HOXC10: variants seen among roughly 807,000 people sequenced by gnomAD.
HOXC10 encodes the protein homeobox protein Hox-C10.
HOXC10 carries 15 observed loss-of-function variants against 26.0 expected under a neutral mutation model. That is an observed-to-expected ratio of 0.58 (90% CI 0.39 to 0.89). The LOEUF (loss-of-function observed/expected upper bound fraction) is 0.89. Among genes scored for constraint, HOXC10 ranks in the 40% least tolerant of loss-of-function variants. The probability of loss-of-function intolerance (pLI) is 0.00; values close to 1 mark genes in which losing one functional copy is unlikely to be tolerated. For synonymous variants in HOXC10, 196 were observed against 185.5 expected (o/e 1.06, Z -0.46); for missense variants, 446 against 451.9 (o/e 0.99, Z 0.12).
At chr12:53,989,085 C>T in intron 1 of HOXC10, 84 bp from the exon 2 acceptor site, 1 of 1,328,140 alleles carries the variant, frequency 7.5e-7, no homozygotes, top group South Asian at 1.5e-5. Flanking sequence ...CTCAGCCACC[C>T]CACAGCAGGC....
chr12:53,988,046 C>T (rs985418692), intron 1 of HOXC10, among the ~76,000 whole-genome samples: 5 of 152,280 alleles, frequency 3.3e-5, no homozygotes, highest in African/African-American at 1.2e-4. Flanking sequence ...AGGAACCTGG[C>T]AGCCTCATTG....
intron 1 of HOXC10, 126 bp from the exon 2 acceptor site, chr12:53,989,043 C>G (rs371887526): frequency 1.3e-6 from 1 of 749,738 alleles, no homozygotes. Flanking sequence ...CACCGCCAGG[C>G]CCCTGGGGCA....
At position 53,989,170 on chromosome 12, in the gene HOXC10, G is replaced by A. The variant is rs1459767482; in HGVS notation, c.753G>A (p.Glu251=). The A allele has an allele frequency of 2.5e-6, 4 of 1,596,064 alleles. No individual in the cohort carries two copies. The highest frequency in any genetic ancestry group is 3.4e-6 in the Non-Finnish European group (4 of 1,173,412). Residue 251 remains glutamate, a splice_region_variant and synonymous_variant, in exon 2 of 2, where the codon GAG becomes GAA. Coordinates refer to ENST00000303460, the MANE Select transcript of HOXC10 (RefSeq NM_017409.4). ...TGTAAATAATGTTATTTTTAACAGA[G>A]GAGATAAAGGCAGAAAACACCACAG... ...SPDTSDNEAK[E]EIKAENTTGN...
chr12:53,989,158 A>G lies in HOXC10; in HGVS notation c.752-11A>G. ...GAGGGATACTTATGTAAATAATGTT[A>G]TTTTTAACAGAGGAGATAAAGGCAG... On this transcript the variant is annotated splice_polypyrimidine_tract_variant and intron_variant, in intron 1 of 1. Coordinates refer to ENST00000303460, the MANE Select transcript of HOXC10 (RefSeq NM_017409.4). 1 of 1,590,944 alleles carries G rather than the reference A, an allele frequency of 6.3e-7. No homozygotes were observed. Among genetic ancestry groups the G allele is most frequent in the Non-Finnish European group, 8.5e-7 (1 of 1,170,892 alleles).
At position 53,985,774 on chromosome 12, in the gene HOXC10, C is replaced by A. The variant is rs773865410; in HGVS notation, c.515C>A (p.Ala172Asp). The change falls in exon 1 of 2, where the codon GCC becomes GAC. Residue 172 changes from alanine to aspartate, a missense_variant. Physicochemically the swap from Ala to Asp is moderately radical, Grantham distance 126. Coordinates refer to ENST00000303460, the MANE Select transcript of HOXC10 (RefSeq NM_017409.4). The part of the protein sequence containing the change: ...PHCSGANDFE[A>D]PFEQRASLNP... ...TGTTCTGGGGCCAACGACTTCGAAGCCCCTTTCGAGCAGCGGGCCAGTCTC... is the reference window on the plus strand; with the variant it reads ...TGTTCTGGGGCCAACGACTTCGAAGACCCTTTCGAGCAGCGGGCCAGTCTC... The A allele has an allele frequency of 6.2e-7, 1 of 1,613,746 alleles. No individual in the cohort carries two copies.
chr12:53,988,106 G>A (rs1939465493), intron 1 of HOXC10, among the ~76,000 whole-genome samples: 2 of 152,288 alleles, frequency 1.3e-5, no homozygotes, highest in Non-Finnish European at 2.9e-5. Flanking sequence ...CCTTTGCTGG[G>A]TGTCCTCTCA....
Position 53,989,350 on chromosome 12 carries a change from A to AGTCAAAATCTGGT in HOXC10, c.934_946dup (p.Phe316CysfsTer29), listed in dbSNP as rs1431398609. ...AGACCATTAACCTTACAGACAGACA[A>AGTCAAAATCTGGT]GTCAAAATCTGGTTTCAAAATCGCA... On this transcript the variant is annotated frameshift_variant, in exon 2 of 2. Transcript: ENST00000303460. LOFTEE classifies it high-confidence loss of function. 6.2e-7 allele frequency: 1 copy of AGTCAAAATCTGGT among 1,614,152 alleles called. No homozygotes were observed.
At chr12:53,987,063 C>T (rs1479107452) in intron 1 of HOXC10, among the ~76,000 whole-genome samples, 3 of 152,192 alleles carry the variant, frequency 2.0e-5, no homozygotes, top group Non-Finnish European at 2.9e-5. Flanking sequence ...GCCCAACCAA[C>T]GGGGAAGAAT....
At position 53,989,586 on chromosome 12, in the gene HOXC10, T is replaced by C; in HGVS notation, c.*140T>C. On this transcript the variant is annotated 3_prime_UTR_variant, in exon 2 of 2. Coordinates refer to ENST00000303460, the MANE Select transcript of HOXC10 (RefSeq NM_017409.4). ...AAAAGGCAAAGACCTCAGACTCTCC[T>C]TCCAAGGGACCTGTGGTTCGTGCTG... The C allele has an allele frequency of 1.2e-6, 1 of 802,038 alleles. No homozygotes were observed. The highest frequency in any genetic ancestry group is 2.0e-6 in the Non-Finnish European group (1 of 511,428). The allele number at this position is 802,038 out of a possible 1,614,324, so 49.7% of individuals were successfully genotyped here. A position where few individuals can be genotyped will look rare whatever the true frequency, so the allele number is the denominator to read the frequency against.
chr12:53,986,058 G>A (rs1289681460), intron 1 of HOXC10, 48 bp downstream of exon 1: 2 of 1,498,380 alleles, frequency 1.3e-6, no homozygotes, highest in African/African-American at 2.8e-5. Flanking sequence ...CCGGCACTTG[G>A]TCTTCGCGGC....
chr12:53,987,407 T>C (rs1340690644), intron 1 of HOXC10, among the ~76,000 whole-genome samples: 1 of 152,216 alleles, frequency 6.6e-6, no homozygotes. Flanking sequence ...AGATGAGCGC[T>C]GGTGTGTTCA....
rs2136386019 is a variant in HOXC10 at position 53,989,599 on chromosome 12, G to A, written c.*153G>A. Reference sequence around the variant, plus strand: ...CTCAGACTCTCCTTCCAAGGGACCTGTGGTTCGTGCTGCGAAGATGCTTCC... The same window carrying A: ...CTCAGACTCTCCTTCCAAGGGACCTATGGTTCGTGCTGCGAAGATGCTTCC... On this transcript the variant is annotated 3_prime_UTR_variant, in exon 2 of 2. Transcript: ENST00000303460. 2 of 747,060 alleles carry A rather than the reference G, an allele frequency of 2.7e-6. No homozygotes were observed. Among genetic ancestry groups the A allele is most frequent in the South Asian group, 3.9e-5 (2 of 51,602 alleles). The allele number at this position is 747,060 out of a possible 1,614,324, so 46.3% of individuals were successfully genotyped here. A position where few individuals can be genotyped will look rare whatever the true frequency, so the allele number is the denominator to read the frequency against.
At chr12:53,986,246 G>A (rs1939433904) in intron 1 of HOXC10, 1 of 479,736 alleles carries the variant, frequency 2.1e-6, no homozygotes. Flanking sequence ...GTGCTAAGGC[G>A]GGGGCGGTGC....
chr12:53,985,288 A>C lies in HOXC10; in HGVS notation c.29A>C (p.Asn10Thr). Residue 10 changes from asparagine (N) to threonine (T), a missense_variant, in exon 1 of 2, where the codon AAC becomes ACC. Transcript: ENST00000303460. MTCPRNVTP[N>T]SYAEPLAAPG... ...ACATGCCCTCGCAATGTAACTCCGAACTCGTACGCGGAGCCCTTGGCTGCG... is the reference window on the plus strand; with the variant it reads ...ACATGCCCTCGCAATGTAACTCCGACCTCGTACGCGGAGCCCTTGGCTGCG... 6.3e-7 allele frequency: 1 copy of C among 1,577,554 alleles called. No individual in the cohort carries two copies. The highest frequency in any genetic ancestry group is 8.6e-7 in the Non-Finnish European group (1 of 1,162,508).
At chr12:53,988,877 A>G (rs1592202113) in intron 1 of HOXC10, among the ~76,000 whole-genome samples, 3 of 152,260 alleles carry the variant, frequency 2.0e-5, no homozygotes, top group African/African-American at 7.2e-5. Flanking sequence ...AGGGTCAGCC[A>G]GCTGGGGGAA....
At chr12:53,986,114 C>T in intron 1 of HOXC10, 104 bp downstream of exon 1, 1 of 1,242,486 alleles carries the variant, frequency 8.0e-7, no homozygotes, top group East Asian at 2.6e-5. Context: ...AGGCCCCAGA[C>T]CATTTCGGGA....
intron 1 of HOXC10, 136 bp downstream of exon 1, chr12:53,986,146 A>G (rs1240096769): frequency 2.1e-6 from 2 of 952,304 alleles, no homozygotes; most frequent in African/African-American, 3.3e-5. Context: ...GCTTTCGACT[A>G]GCGTCCGCTG....
In HOXC10 at chr12:53,985,397, C is replaced by T; in HGVS notation, c.138C>T (p.Gly46=). ...GSDFNCGVMR[G]CGLAPSLSKR... is the part of the protein sequence containing the mutation. ...ACTTCAATTGCGGGGTGATGAGGGG[C>T]TGCGGGCTCGCGCCCTCGCTCTCCA... The change falls in exon 1 of 2, where the codon GGC becomes GGT. Residue 46 remains glycine (G), a synonymous_variant. Coordinates refer to ENST00000303460, the MANE Select transcript of HOXC10 (RefSeq NM_017409.4). The T allele has an allele frequency of 3.1e-6, 5 of 1,613,624 alleles. No homozygotes were observed. Among genetic ancestry groups the T allele is most frequent in the Non-Finnish European group, 3.4e-6 (4 of 1,179,980 alleles).
chr12:53,987,939 G>A (rs56841354), intron 1 of HOXC10, among the ~76,000 whole-genome samples: 1 of 152,118 alleles, frequency 6.6e-6, no homozygotes, highest in East Asian at 1.9e-4. Context: ...GGGACATTCA[G>A]ATTTTTTTAG....
Sources: gnomAD v4.1 joint callset for allele counts (sites outside exome capture counted in the v4.1 genomes callset) on GRCh38, gnomAD v4.1.1 for gene constraint, MANE v1.5 for transcripts, NCBI Gene and HGNC (gene_info 2026-07-23, HGNC 2026-07-21) for gene names.